FCHSD2: variants seen among roughly 807,000 people sequenced by gnomAD.
FCHSD2 encodes FCH and double SH3 domains 2.
FCHSD2 carries 38 observed loss-of-function variants against 108.1 expected under a neutral mutation model. That is an observed-to-expected ratio of 0.35 (90% CI 0.27 to 0.46). FCHSD2 has a LOEUF of 0.46. FCHSD2 is among the 20% of genes least tolerant of loss of function. The pLI is 1.00. For synonymous variants in FCHSD2, 279 were observed against 314.7 expected (o/e 0.89, Z 1.20); for missense variants, 751 against 897.8 (o/e 0.84, Z 2.09).
At chr11:72,916,895 T>C (rs1855884332) in intron 9 of FCHSD2, among the ~76,000 whole-genome samples, 1 of 152,042 alleles carries the variant, frequency 6.6e-6, no homozygotes, top group African/African-American at 2.4e-5. Context: ...TGTTTTCTCT[T>C]ATAAGTTAGG....
At chr11:72,966,051 TG>T in intron 8 of FCHSD2, among the ~76,000 whole-genome samples, 1 of 152,206 alleles carries the variant, frequency 6.6e-6, no homozygotes, top group Middle Eastern at 3.4e-3. Context: ...TAAATTCCTG[TG>T]TAATAAAACA....
At chr11:72,910,686 C>T (rs1448463872) in intron 9 of FCHSD2, among the ~76,000 whole-genome samples, 1 of 152,054 alleles carries the variant, frequency 6.6e-6, no homozygotes, top group Admixed American at 6.5e-5. Context: ...ACAAACACTG[C>T]GGAAGGCTGC....
At chr11:72,850,478 C>T (rs933517523) in intron 13 of FCHSD2, among the ~76,000 whole-genome samples, 4 of 151,694 alleles carry the variant, frequency 2.6e-5, no homozygotes, top group African/African-American at 7.3e-5. Context: ...CTCAGCCTCC[C>T]GAGTAGCTGG....
At chr11:72,953,933 G>A (rs1437874213) in intron 8 of FCHSD2, among the ~76,000 whole-genome samples, 1 of 152,096 alleles carries the variant, frequency 6.6e-6, no homozygotes, top group Non-Finnish European at 1.5e-5. Context: ...ATTACAGTGA[G>A]GGAAGGGATA....
chr11:72,989,204 GA>G (rs1425612588), intron 5 of FCHSD2, 107 bp from the exon 6 acceptor site: 1 of 795,894 alleles, frequency 1.3e-6, no homozygotes, highest in Admixed American at 3.1e-5. Flanking sequence ...AAATCCAGGG[GA>G]AAAGTCAGTA....
At chr11:72,927,815 A>G (rs1403852850) in intron 8 of FCHSD2, among the ~76,000 whole-genome samples, 1 of 152,224 alleles carries the variant, frequency 6.6e-6, no homozygotes, top group Non-Finnish European at 1.5e-5. Flanking sequence ...TAGGGTCAAG[A>G]GCACCAATAG....
At chr11:73,112,675 G>C (rs554380239) in intron 2 of FCHSD2, among the ~76,000 whole-genome samples, 5 of 152,266 alleles carry the variant, frequency 3.3e-5, no homozygotes, top group South Asian at 4.1e-4. Context: ...TTGAGACGGT[G>C]TCTCGCTCTG....
intron 11 of FCHSD2, 62 bp from the exon 12 acceptor site, chr11:72,887,636 T>G (rs1855225874): frequency 9.6e-7 from 1 of 1,045,992 alleles, no homozygotes; most frequent in Non-Finnish European, 1.4e-6. Context: ...CCTTAAGTGA[T>G]TAAAGTATTT....
At chr11:72,981,255 G>C (rs1418875864) in intron 8 of FCHSD2, among the ~76,000 whole-genome samples, 1 of 152,148 alleles carries the variant, frequency 6.6e-6, no homozygotes, top group Non-Finnish European at 1.5e-5. Context: ...TTCATTAAAT[G>C]AATACTCCAA....
chr11:72,967,948 G>A (rs1157215304), intron 8 of FCHSD2, among the ~76,000 whole-genome samples: 5 of 151,892 alleles, frequency 3.3e-5, no homozygotes, highest in Non-Finnish European at 5.9e-5. Context: ...AAAATTAGCC[G>A]GGTATGGTGG....
intron 2 of FCHSD2, among the ~76,000 whole-genome samples, chr11:73,108,094 T>C (rs892255861): frequency 6.6e-6 from 1 of 152,242 alleles, no homozygotes; most frequent in African/African-American, 2.4e-5. Flanking sequence ...GTCTGTCTTT[T>C]GGATAAACGC....
chr11:73,047,990 C>T (rs1465053860), intron 3 of FCHSD2, among the ~76,000 whole-genome samples: 1 of 151,942 alleles, frequency 6.6e-6, no homozygotes, highest in Non-Finnish European at 1.5e-5. Flanking sequence ...ATAATTAGAA[C>T]TCTAATGGTC....
At chr11:72,864,193 G>A (rs1436010117) in intron 13 of FCHSD2, among the ~76,000 whole-genome samples, 1 of 152,200 alleles carries the variant, frequency 6.6e-6, no homozygotes, top group Non-Finnish European at 1.5e-5. Flanking sequence ...TTAACATTGT[G>A]GGCTATAGTT....
Position 72,947,325 on chromosome 11 carries a change from CA to C in FCHSD2, c.706-25376del, listed in dbSNP as rs201093762. On this transcript the variant is annotated intron_variant, in intron 8 of 19. Coordinates refer to ENST00000409418, the MANE Select transcript of FCHSD2 (RefSeq NM_014824.3). ...ACTCACACTCAGGCCCACATCTGGC[CA>C]AGAGGAGCAGAACTGAAGAGGTTTT... is the stretch of plus-strand genomic sequence containing the variant. 8.1e-3 allele frequency among the ~76,000 whole-genome samples: 1,228 copies of C among 152,284 alleles called. 21 individuals are homozygous for C. The highest frequency in any genetic ancestry group is 0.028 in the African/African-American group (1,147 of 41,542).
intron 3 of FCHSD2, among the ~76,000 whole-genome samples, chr11:73,058,683 C>A (rs1349557828): frequency 6.6e-6 from 1 of 150,992 alleles, no homozygotes; most frequent in Non-Finnish European, 1.5e-5. Flanking sequence ...GCAACCTCTG[C>A]CTCCCAGGTT....
chr11:72,994,016 T>C (rs1591466851), intron 5 of FCHSD2, among the ~76,000 whole-genome samples: 1 of 152,202 alleles, frequency 6.6e-6, no homozygotes, highest in Non-Finnish European at 1.5e-5. Context: ...GCTCTGTCTA[T>C]AGAGTTGTTG....
At chr11:72,878,703 T>G (rs1055627590) in intron 12 of FCHSD2, among the ~76,000 whole-genome samples, 2 of 152,136 alleles carry the variant, frequency 1.3e-5, no homozygotes, top group African/African-American at 4.8e-5. Context: ...CTATAATAAG[T>G]TGAAATGATG....
intron 4 of FCHSD2, among the ~76,000 whole-genome samples, chr11:73,014,863 A>G (rs576447405): frequency 2.0e-5 from 3 of 150,646 alleles, no homozygotes; most frequent in Non-Finnish European, 4.4e-5. Flanking sequence ...TTTTTTTTTG[A>G]GCTGGAGTCT....
At chr11:72,939,887 G>A (rs1218814786) in intron 8 of FCHSD2, among the ~76,000 whole-genome samples, 1 of 151,888 alleles carries the variant, frequency 6.6e-6, no homozygotes, top group African/African-American at 2.4e-5. Flanking sequence ...CCAAGTGTTG[G>A]GATTACAGGC....
Sources: gnomAD v4.1 joint callset for allele counts (sites outside exome capture counted in the v4.1 genomes callset) on GRCh38, gnomAD v4.1.1 for gene constraint, MANE v1.5 for transcripts, NCBI Gene and HGNC (gene_info 2026-07-23, HGNC 2026-07-21) for gene names.